The following KAZN variants were observed in gnomAD, a reference collection of about 807,000 sequenced individuals.
The protein encoded by KAZN is kazrin, periplakin interacting protein, also known as kazrin.
KAZN carries 40 observed loss-of-function variants against 87.4 expected under a neutral mutation model. That is an observed-to-expected ratio of 0.46 (90% CI 0.36 to 0.60). The LOEUF is 0.60. Among genes scored for constraint, KAZN ranks in the 20% least tolerant of loss-of-function variants. The pLI is 0.00. For synonymous variants in KAZN, 466 were observed against 458.3 expected, an observed-to-expected ratio of 1.02 and a Z score of -0.22; for missense variants, 898 against 1,073.9, an observed-to-expected ratio of 0.84 and a Z score of 2.29.
chr1:14,901,950 C>T (rs1252234425), intron 1 of KAZN, among the ~76,000 whole-genome samples: 1 of 152,162 alleles, frequency 6.6e-6, no homozygotes, highest in Non-Finnish European at 1.5e-5. Context: ...GCTGCAAGGG[C>T]CTCCAGCAGT....
intron 1 of KAZN, among the ~76,000 whole-genome samples, chr1:13,919,992 C>A (rs1293350420): frequency 6.6e-6 from 1 of 152,030 alleles, no homozygotes; most frequent in East Asian, 1.9e-4. Context: ...TGACCCAGAG[C>A]CATTTATTAA....
At chr1:14,776,739 C>T (rs1348633941) in intron 1 of KAZN, among the ~76,000 whole-genome samples, 1 of 151,964 alleles carries the variant, frequency 6.6e-6, no homozygotes, top group Non-Finnish European at 1.5e-5. Flanking sequence ...CCAATTTGGG[C>T]AACACAGAAA....
At chr1:14,144,528 A>G (rs907221881) in intron 1 of KAZN, among the ~76,000 whole-genome samples, 3 of 151,966 alleles carry the variant, frequency 2.0e-5, no homozygotes, top group African/African-American at 7.3e-5. Context: ...GGCTCAAGTG[A>G]TCCTCCTGCC....
chr1:14,315,100 T>C (rs1458720052), intron 2 of KAZN, among the ~76,000 whole-genome samples: 6 of 152,172 alleles, frequency 3.9e-5, no homozygotes, highest in Non-Finnish European at 8.8e-5. Flanking sequence ...TTTTTCACTT[T>C]TTGGCTATTA....
chr1:14,716,309 T>C (rs1262667368), intron 1 of KAZN, among the ~76,000 whole-genome samples: 1 of 152,174 alleles, frequency 6.6e-6, no homozygotes, highest in African/African-American at 2.4e-5. Context: ...TAGACATTTA[T>C]CGTTCAGGCA....
chr1:14,303,154 G>A (rs1654678581), intron 2 of KAZN, among the ~76,000 whole-genome samples: 1 of 152,186 alleles, frequency 6.6e-6, no homozygotes. Flanking sequence ...AGACGTCGGT[G>A]TTTCACAAAG....
intron 1 of KAZN, among the ~76,000 whole-genome samples, chr1:14,878,443 C>G (rs1652998612): frequency 6.6e-6 from 1 of 152,072 alleles, no homozygotes; most frequent in Admixed American, 6.5e-5. Flanking sequence ...AAAATCCCCC[C>G]TACCCATCCC....
chr1:15,045,388 A>G (rs553408186), intron 4 of KAZN, among the ~76,000 whole-genome samples: 3 of 152,304 alleles, frequency 2.0e-5, no homozygotes, highest in Non-Finnish European at 2.9e-5. Flanking sequence ...CTCCATATCC[A>G]TCAACTCAAA....
intron 1 of KAZN, among the ~76,000 whole-genome samples, chr1:14,823,029 C>G (rs1417108903): frequency 6.6e-6 from 1 of 152,086 alleles, no homozygotes; most frequent in African/African-American, 2.4e-5. Flanking sequence ...AGGTTCTCTT[C>G]GAAAGCAGGA....
At chr1:14,201,972 G>A (rs543371198) in intron 2 of KAZN, among the ~76,000 whole-genome samples, 9 of 152,244 alleles carry the variant, frequency 5.9e-5, no homozygotes, top group African/African-American at 1.7e-4. Flanking sequence ...CTGGCCCCTC[G>A]TTTTTTATTT....
At chr1:14,847,187 GA>G (rs1648882304) in intron 1 of KAZN, among the ~76,000 whole-genome samples, 2 of 152,158 alleles carry the variant, frequency 1.3e-5, no homozygotes, top group Non-Finnish European at 1.5e-5. Flanking sequence ...TCCAGAATTT[GA>G]GCTGTCGGAT....
intron 1 of KAZN, among the ~76,000 whole-genome samples, chr1:13,912,462 C>A (rs1436006660): frequency 1.3e-5 from 2 of 152,142 alleles, no homozygotes; most frequent in Non-Finnish European, 2.9e-5. Flanking sequence ...CAGGGCTGGG[C>A]TTCTCTTCCT....
chr1:14,455,065 G>GAC (rs1667491284), intron 2 of KAZN, among the ~76,000 whole-genome samples: 1 of 151,788 alleles, frequency 6.6e-6, no homozygotes, highest in Non-Finnish European at 1.5e-5. Flanking sequence ...CAGAGAAAGA[G>GAC]ATCCAAGAAA....
intron 1 of KAZN, among the ~76,000 whole-genome samples, chr1:14,816,306 T>C (rs1185814973): frequency 6.6e-6 from 1 of 152,170 alleles, no homozygotes; most frequent in Non-Finnish European, 1.5e-5. Context: ...GCTCCGAGTC[T>C]CACAAGGCTG....
At chr1:14,371,750 T>A (rs568140738) in intron 2 of KAZN, among the ~76,000 whole-genome samples, 2 of 152,308 alleles carry the variant, frequency 1.3e-5, no homozygotes, top group Admixed American at 1.3e-4. Flanking sequence ...CCAAACATTC[T>A]AGAGACACGG....
chr1:13,913,647 C>A (rs1044834065), intron 1 of KAZN, among the ~76,000 whole-genome samples: 1 of 152,218 alleles, frequency 6.6e-6, no homozygotes, highest in Non-Finnish European at 1.5e-5. Flanking sequence ...TATTGCATGG[C>A]CCTGCTTTCA....
At chr1:14,365,113 G>A (rs912746924) in intron 2 of KAZN, among the ~76,000 whole-genome samples, 110 of 151,226 alleles carry the variant, frequency 7.3e-4, no homozygotes, top group Non-Finnish European at 1.3e-3. Flanking sequence ...GCACCATCTC[G>A]GCTCACTGCA....
intron 2 of KAZN, among the ~76,000 whole-genome samples, chr1:14,314,172 CTG>C (rs1194585969): frequency 2.0e-5 from 3 of 152,138 alleles, no homozygotes; most frequent in African/African-American, 4.8e-5. Context: ...TTGCATAACT[CTG>C]TATATGCCTG....
chr1:14,121,498 C>G (rs768834057), intron 1 of KAZN, among the ~76,000 whole-genome samples: 8 of 152,094 alleles, frequency 5.3e-5, no homozygotes, highest in Non-Finnish European at 1.2e-4. Context: ...AACCCAGATT[C>G]AAATGCAAGC....
Sources: allele counts gnomAD v4.1 joint callset (sites outside exome capture counted in the v4.1 genomes callset), GRCh38; gene constraint gnomAD v4.1.1; transcripts MANE v1.5; gene names NCBI Gene and HGNC (gene_info 2026-07-23, HGNC 2026-07-21).